FAH: variants seen among roughly 807,000 people sequenced by gnomAD.
The protein encoded by FAH is fumarylacetoacetate hydrolase.
FAH carries 47 observed loss-of-function variants against 55.8 expected under a neutral mutation model. The observed-to-expected ratio is 0.84, with a 90% CI of 0.67 to 1.07. FAH has a LOEUF of 1.07. Ranked by LOEUF, FAH falls within the 50% of genes least tolerant of loss-of-function variation. The probability of loss-of-function intolerance (pLI) is 0.00; values close to 1 mark genes in which losing one functional copy is unlikely to be tolerated. For missense variants in FAH, 495 were observed against 545.9 expected (o/e 0.91, Z 0.93); for synonymous variants, 199 against 207.7 (o/e 0.96, Z 0.36).
Position 80,175,009 on chromosome 15 carries a change from C to T in FAH, c.838-7C>T. The T allele has an allele frequency of 6.2e-7, 1 of 1,613,930 alleles. No individual in the cohort carries two copies. Among genetic ancestry groups the T allele is most frequent in the Non-Finnish European group, 8.5e-7 (1 of 1,179,926 alleles). On this transcript the variant is annotated splice_polypyrimidine_tract_variant and splice_region_variant and intron_variant, in intron 9 of 13. Coordinates refer to ENST00000561421, the MANE Select transcript of FAH (RefSeq NM_000137.4). ...AGTGACCTCTGTGCTGTGCTTTGCC[C>T]TCTCAGGACCCCAGGCCCCTGCCGT...
Position 80,159,730 on chromosome 15 carries a change from CT to C in FAH, c.193-20del, listed in dbSNP as rs746381874. 11 of 1,614,016 alleles carry C rather than the reference CT, an allele frequency of 6.8e-6. No homozygotes were observed. The East Asian group carries it at 2.4e-4, about 36-fold the overall frequency. ...CTCCCTGGGTTTTCCTGTACGTGAT[CT>C]TTTTTCTCCCTGTTTTGGTCTTAGC... On this transcript the variant is annotated intron_variant, in intron 2 of 13. Coordinates refer to ENST00000561421, the MANE Select transcript of FAH (RefSeq NM_000137.4).
rs573089967 is a variant in FAH at position 80,169,382 on chromosome 15, CAAAACAAAAAACAA to C, written c.606+1077_606+1090del. Among the ~76,000 whole-genome samples, 206 of 151,574 alleles carry C rather than the reference CAAAACAAAAAACAA, an allele frequency of 1.4e-3. 1 individual carries two copies. The highest frequency in any genetic ancestry group is 4.7e-3 in the African/African-American group (196 of 41,318). ...TGGGTGACAGAGCGAGACTCTGTCTCAAAACAAAAAACAAAAAACAAAAACCCAAAAATAATAAT... is the reference window on the plus strand; with the variant it reads ...TGGGTGACAGAGCGAGACTCTGTCTCAAAACAAAAACCCAAAAATAATAAT... On this transcript the variant is annotated intron_variant, in intron 7 of 13. Transcript: ENST00000561421.
intron 7 of FAH, 46 bp downstream of exon 7, chr15:80,168,362 G>A (rs373558223): frequency 4.6e-5 from 73 of 1,600,720 alleles, no homozygotes; most frequent in Non-Finnish European, 5.7e-5. Flanking sequence ...ATAGACACCC[G>A]GCAGGAGAGC....
At chr15:80,178,839 C>T (rs532195030) in intron 11 of FAH, among the ~76,000 whole-genome samples, 6 of 152,254 alleles carry the variant, frequency 3.9e-5, no homozygotes, top group East Asian at 1.9e-4. Context: ...CCGCCCGCCT[C>T]AGCCTCCCAA....
intron 2 of FAH, among the ~76,000 whole-genome samples, chr15:80,158,901 C>T (rs925353916): frequency 6.6e-6 from 1 of 152,132 alleles, no homozygotes; most frequent in Non-Finnish European, 1.5e-5. Flanking sequence ...TTAGAACCTA[C>T]AAGGGCTTTT....
intron 11 of FAH, among the ~76,000 whole-genome samples, chr15:80,178,988 A>G (rs2041307582): frequency 6.6e-6 from 1 of 152,174 alleles, no homozygotes; most frequent in African/African-American, 2.4e-5. Context: ...ACATTTTAGT[A>G]CACACCTTTT....
rs1364981931 is a variant in FAH, at chr15:80,175,515, CCA to C, written c.913+429_913+430del. Among the ~76,000 whole-genome samples, 7 of 152,172 alleles carry C rather than the reference CCA, an allele frequency of 4.6e-5. No homozygotes were observed. In the East Asian group the frequency reaches 1.3e-3, roughly 29 times the overall value. On this transcript the variant is annotated intron_variant, in intron 10 of 13. Coordinates refer to ENST00000561421, the MANE Select transcript of FAH (RefSeq NM_000137.4). The stretch of plus-strand genomic sequence containing the variant: ...TGTTCGCTTGGCTGAGCCCCTGGGG[CCA>C]CACAGAGCCAGCGCATCAAGACCCC...
chr15:80,156,567 G>C (rs1567113892), intron 1 of FAH: 1 of 152,100 alleles, frequency 6.6e-6, no homozygotes, highest in Non-Finnish European at 1.5e-5. Flanking sequence ...TAAAACAAAG[G>C]CAATGCACAT....
In FAH at chr15:80,160,194, G is replaced by A. The variant is rs115910162; in HGVS notation, c.315-216G>A. 1.1e-3 allele frequency: 711 copies of A among 658,114 alleles called. 2 individuals carry two copies. In the African/African-American group the frequency reaches 0.012, roughly 11 times the overall value. 40.8% of individuals were successfully genotyped at this position (658,114 alleles called of 1,614,324 possible). ...CTAGAGTAGGAAAGAGTTTCCACTT[G>A]TCTAGTCCCATTTCCTAGGGTAGAA... is the stretch of plus-strand genomic sequence containing the variant. On this transcript the variant is annotated intron_variant, in intron 3 of 13. Transcript: ENST00000561421.
At chr15:80,163,135 G>A (rs187322570) in intron 5 of FAH, 1 of 152,580 alleles carries the variant, frequency 6.6e-6, no homozygotes, top group African/African-American at 2.4e-5. Context: ...TTAGAACCAA[G>A]ATGAGGAAGA....
At chr15:80,165,495 T>G (rs1164881482) in intron 5 of FAH, among the ~76,000 whole-genome samples, 1 of 144,284 alleles carries the variant, frequency 6.9e-6, no homozygotes, top group Non-Finnish European at 1.5e-5. Flanking sequence ...GCCGTTGCAC[T>G]CCAGCCTGGG....
intron 5 of FAH, among the ~76,000 whole-genome samples, chr15:80,165,340 C>A (rs1013441726): frequency 3.9e-5 from 6 of 152,144 alleles, no homozygotes; most frequent in Non-Finnish European, 7.3e-5. Context: ...ACCAGCCTGG[C>A]CAACATGGTG....
chr15:80,158,187 C>G lies in FAH; in HGVS notation c.192+17C>G, dbSNP rs377640479. On this transcript the variant is annotated intron_variant, in intron 2 of 13. Coordinates refer to ENST00000561421, the MANE Select transcript of FAH (RefSeq NM_000137.4). ...TTCAATCAGGTAGGACATTGTGAAA[C>G]GACTTGTCCCTGACCTCAGTGGCAC... 2 of 1,559,186 alleles carry G rather than the reference C, an allele frequency of 1.3e-6. No individual in the cohort carries two copies. The highest frequency in any genetic ancestry group is 1.8e-6 in the Non-Finnish European group (2 of 1,129,988).
rs375138235 is a variant in FAH, at chr15:80,172,218, T to C, written c.676T>C (p.Phe226Leu). The change falls in exon 8 of 14, where the codon TTT becomes CTT. Residue 226 changes from phenylalanine to leucine, a missense_variant. Physicochemically the swap from Phe to Leu is conservative, Grantham distance 22. Transcript: ENST00000561421. ...CATTTCCAAGGCCCATGAGCACATTTTTGGAATGGTCCTTATGAACGACTG... is the reference window on the plus strand; with the variant it reads ...CATTTCCAAGGCCCATGAGCACATTCTTGGAATGGTCCTTATGAACGACTG... ...IPISKAHEHI[F>L]GMVLMNDWSA... 3 of 1,613,708 alleles carry C rather than the reference T, an allele frequency of 1.9e-6. No individual in the cohort carries two copies. Among genetic ancestry groups the C allele is most frequent in the Non-Finnish European group, 1.7e-6 (2 of 1,179,762 alleles).
intron 9 of FAH, chr15:80,173,796 G>T (rs765471939): frequency 1.7e-4 from 29 of 167,882 alleles, no homozygotes; most frequent in Non-Finnish European, 2.9e-4. Flanking sequence ...TTTCTGGCAT[G>T]TGACCTGTCC....
chr15:80,157,839 C>T, intron 1 of FAH: 2 of 591,038 alleles, frequency 3.4e-6, no homozygotes, highest in Non-Finnish European at 6.0e-6. Context: ...ATTTCTTTCC[C>T]ATTCAGGGAA....
rs534787417 is a variant in FAH at position 80,183,564 on chromosome 15, C to T, written c.1180+2405C>T. ...CACACATGGTTTCTTCAGCTCTTCC[C>T]GGCTTTCCTCCTCCTTCTCTGCACC... On this transcript the variant is annotated intron_variant, in intron 13 of 13. Coordinates refer to ENST00000561421, the MANE Select transcript of FAH (RefSeq NM_000137.4). Among the ~76,000 whole-genome samples the T allele has an allele frequency of 2.6e-5, 4 of 152,344 alleles. No individual in the cohort carries two copies. In the South Asian group the frequency reaches 6.2e-4, roughly 24 times the overall value.
Position 80,177,556 on chromosome 15 carries a change from G to T in FAH, c.933G>T (p.Ala311=). The T allele has an allele frequency of 6.2e-7, 1 of 1,614,076 alleles. No individual in the cohort carries two copies. Among genetic ancestry groups the T allele is most frequent in the Non-Finnish European group, 8.5e-7 (1 of 1,179,932 alleles). Residue 311 remains alanine, a synonymous_variant, in exon 11 of 14, where the codon GCG becomes GCT. Coordinates refer to ENST00000561421, the MANE Select transcript of FAH (RefSeq NM_000137.4). ...VNLKGEGMSQ[A]ATICKSNFKY... ...CAACAGGAGAAGGAATGAGCCAGGC[G>T]GCTACCATATGCAAGTCCAATTTTA...
chr15:80,178,664 A>G (rs2041304359), intron 11 of FAH, among the ~76,000 whole-genome samples: 1 of 151,526 alleles, frequency 6.6e-6, no homozygotes, highest in South Asian at 2.1e-4. Flanking sequence ...GCTCACTGCA[A>G]ACTCCGCCTC....
Sources: gnomAD v4.1 joint callset for allele counts (sites outside exome capture counted in the v4.1 genomes callset) on GRCh38, gnomAD v4.1.1 for gene constraint, MANE v1.5 for transcripts, NCBI Gene and HGNC (gene_info 2026-07-23, HGNC 2026-07-21) for gene names.